The following SGK3 variants were observed in gnomAD, a reference collection of about 807,000 sequenced individuals.
The protein encoded by SGK3 is serine/threonine-protein kinase Sgk3.
SGK3 carries 47 observed loss-of-function variants against 68.5 expected under a neutral mutation model. That is an observed-to-expected ratio of 0.69 (90% confidence interval 0.54 to 0.87). SGK3 has a LOEUF of 0.87. Among genes scored for constraint, SGK3 ranks in the 40% least tolerant of loss-of-function variants. SGK3 has a pLI of 0.00. For missense variants in SGK3, 479 were observed against 575.5 expected, an observed-to-expected ratio of 0.83 and a Z score of 1.72; for synonymous variants, 181 against 189.1, an observed-to-expected ratio of 0.96 and a Z score of 0.35.
At chr8:66,799,343 G>C (rs547569918) in intron 3 of SGK3, among the ~76,000 whole-genome samples, 3 of 152,162 alleles carry the variant, frequency 2.0e-5, no homozygotes, top group Non-Finnish European at 4.4e-5. Context: ...GTACCAGTGA[G>C]CATGATTGCC....
intron 1 of SGK3, among the ~76,000 whole-genome samples, chr8:66,752,303 T>C (rs1324154260): frequency 6.6e-6 from 1 of 152,090 alleles, no homozygotes; most frequent in African/African-American, 2.4e-5. Flanking sequence ...TTGACTGCGG[T>C]AGTTTCCTGG....
chr8:66,718,717 A>G (rs997791476), intron 1 of SGK3, among the ~76,000 whole-genome samples: 16 of 151,918 alleles, frequency 1.1e-4, no homozygotes, highest in Admixed American at 1.1e-3. Flanking sequence ...TAGTTGAGAC[A>G]GGGTTTCTCC....
chr8:66,798,655 A>G, intron 3 of SGK3, 30 bp downstream of exon 3: 1 of 1,555,928 alleles, frequency 6.4e-7, no homozygotes, highest in Non-Finnish European at 8.7e-7. Context: ...ATTTCTAATT[A>G]AAAGAAAGCA....
intron 4 of SGK3, among the ~76,000 whole-genome samples, chr8:66,809,598 G>A (rs1314342168): frequency 6.6e-6 from 1 of 151,810 alleles, no homozygotes; most frequent in Non-Finnish European, 1.5e-5. Context: ...AAATTTATTC[G>A]CCAAATCAAT....
chr8:66,772,636 C>T (rs937820927), intron 1 of SGK3, among the ~76,000 whole-genome samples: 1 of 150,970 alleles, frequency 6.6e-6, no homozygotes, highest in African/African-American at 2.4e-5. Flanking sequence ...TCTCGGCTCA[C>T]TGCAAGCTCT....
chr8:66,786,430 T>A (rs1015191514), intron 1 of SGK3, among the ~76,000 whole-genome samples: 1 of 152,244 alleles, frequency 6.6e-6, no homozygotes, highest in African/African-American at 2.4e-5. Context: ...TTGGCACATG[T>A]AAAGCACAGT....
At chr8:66,743,494 C>G (rs1190180877) in intron 1 of SGK3, among the ~76,000 whole-genome samples, 1 of 152,196 alleles carries the variant, frequency 6.6e-6, no homozygotes, top group Non-Finnish European at 1.5e-5. Flanking sequence ...CTAGGGTGCT[C>G]CTTTGTCCAC....
chr8:66,722,139 C>G (rs72652799), intron 1 of SGK3, among the ~76,000 whole-genome samples: 1 of 152,184 alleles, frequency 6.6e-6, no homozygotes, highest in African/African-American at 2.4e-5. Context: ...AACTTCAGCT[C>G]GCCTGTAAAG....
chr8:66,788,132 G>C (rs772463216), intron 1 of SGK3, among the ~76,000 whole-genome samples: 1 of 152,166 alleles, frequency 6.6e-6, no homozygotes, highest in African/African-American at 2.4e-5. Context: ...TTAAATGTGG[G>C]TCTAGAAAAC....
intron 1 of SGK3, among the ~76,000 whole-genome samples, chr8:66,748,845 A>G (rs1307123028): frequency 6.6e-6 from 1 of 152,062 alleles, no homozygotes; most frequent in South Asian, 2.1e-4. Flanking sequence ...GGGACTTCTG[A>G]TTTTGATATT....
chr8:66,831,307 G>A lies in SGK3; in HGVS notation c.521G>A (p.Gly174Asp). 1 of 1,613,374 alleles carries A rather than the reference G, an allele frequency of 6.2e-7. No individual in the cohort carries two copies. The highest frequency in any genetic ancestry group is 8.5e-7 in the Non-Finnish European group (1 of 1,179,874). The change falls in exon 8 of 17, where the codon GGC becomes GAC. Residue 174 changes from glycine to aspartate, a missense_variant. Physicochemically the swap from Gly to Asp is moderately conservative, Grantham distance 94. Around this residue, in one of 3 missense-constraint regions of SGK3, gnomAD observed 298 missense variants for 329.4 expected, o/e 0.90. Transcript: ENST00000521198. ...AAAGTTATTGGAAAAGGCAGCTTTG[G>A]CAAGGTAAGAGTGTTTTGTGAGGTT... ...FLKVIGKGSF[G>D]KVLLAKRKLD...
At chr8:66,725,207 C>T (rs968800428) in intron 1 of SGK3, among the ~76,000 whole-genome samples, 1 of 151,800 alleles carries the variant, frequency 6.6e-6, no homozygotes, top group East Asian at 1.9e-4. Context: ...CCAGCCTGGG[C>T]GACAGAGTGA....
intron 16 of SGK3, among the ~76,000 whole-genome samples, chr8:66,858,849 ATTC>A (rs752885903): frequency 1.1e-4 from 16 of 152,128 alleles, no homozygotes; most frequent in South Asian, 2.1e-4. Context: ...GTCCAAGACC[ATTC>A]TTCTTCTTCC....
intron 1 of SGK3, among the ~76,000 whole-genome samples, chr8:66,724,803 G>A (rs924775517): frequency 5.9e-5 from 9 of 152,162 alleles, no homozygotes; most frequent in African/African-American, 9.7e-5. Context: ...ACTCTGGAAG[G>A]ACACATAAGA....
intron 5 of SGK3, among the ~76,000 whole-genome samples, chr8:66,821,985 A>AT (rs11398550): frequency 0.94 from 134,922 of 143,482 alleles, 63,632 homozygotes; most frequent in Non-Finnish European, 0.98. Context: ...CTCTTTCCCT[A>AT]TTTTTTTTTT....
intron 16 of SGK3, among the ~76,000 whole-genome samples, chr8:66,858,570 C>G (rs569478877): frequency 1.5e-4 from 23 of 152,002 alleles, no homozygotes; most frequent in South Asian, 1.5e-3. Flanking sequence ...GAAAGGGGAT[C>G]AGTGACAAGC....
chr8:66,805,376 G>A (rs1330985008), intron 4 of SGK3, among the ~76,000 whole-genome samples: 5 of 151,870 alleles, frequency 3.3e-5, no homozygotes, highest in African/African-American at 7.3e-5. Flanking sequence ...AAAATTAGCC[G>A]GGCATGATGG....
At chr8:66,751,162 C>T (rs925992010) in intron 1 of SGK3, among the ~76,000 whole-genome samples, 1 of 151,770 alleles carries the variant, frequency 6.6e-6, no homozygotes, top group Non-Finnish European at 1.5e-5. Context: ...ATTAGCCGGG[C>T]GTGGTGGCGG....
intron 5 of SGK3, among the ~76,000 whole-genome samples, chr8:66,814,436 T>G (rs1216024255): frequency 6.6e-6 from 1 of 152,164 alleles, no homozygotes; most frequent in Non-Finnish European, 1.5e-5. Flanking sequence ...GAAGGCTTCC[T>G]GCAACTTAAA....
Sources: gnomAD v4.1 joint callset for allele counts (sites outside exome capture counted in the v4.1 genomes callset) on GRCh38, gnomAD v4.1.1 for gene constraint, gnomAD v4.1.1 regional missense constraint, MANE v1.5 for transcripts, NCBI Gene and HGNC (gene_info 2026-07-23, HGNC 2026-07-21) for gene names.